The following VRK2 variants were observed in gnomAD, a reference collection of about 807,000 sequenced individuals.
The protein encoded by VRK2 is VRK serine/threonine kinase 2.
Under a neutral mutation model 57.6 loss-of-function variants are expected in VRK2, and 60 were observed. The observed-to-expected ratio is 1.04, with a 90% CI of 0.85 to 1.29. VRK2 has a LOEUF of 1.29. Among genes scored for constraint, VRK2 ranks in the 50% most tolerant of loss-of-function variants. The pLI is 0.00. For missense variants in VRK2, 705 were observed against 588.1 expected (o/e 1.20, Z -2.06); for synonymous variants, 231 against 199.2 (o/e 1.16, Z -1.35).
chr2:58,147,800 GT>G (rs55745402), intron 12 of VRK2, among the ~76,000 whole-genome samples: 69,344 of 132,554 alleles, frequency 0.52, 16,975 homozygotes, highest in African/African-American at 0.61. Flanking sequence ...TTCACTCAGT[GT>G]TTTTTTTTTT....
chr2:58,026,608 A>C (rs1164961271), intron 2 of VRK2: 1 of 152,200 alleles, frequency 6.6e-6, no homozygotes, highest in Non-Finnish European at 1.5e-5. Flanking sequence ...AATGGAATAA[A>C]GTACCATTTA....
chr2:58,145,011 C>T (rs1681902558), intron 11 of VRK2, among the ~76,000 whole-genome samples: 1 of 151,986 alleles, frequency 6.6e-6, no homozygotes, highest in African/African-American at 2.4e-5. Flanking sequence ...TTGGCACTGG[C>T]TACTTCACTA....
rs1674259626 is a variant in VRK2 at position 58,035,895 on chromosome 2, GT to G, written c.-6+2343del. ...ATGAGATTACTATGTAAAAAACACT[GT>G]CCTCAAAATAGAGTTGTTCTTTTGA... On this transcript the variant is annotated intron_variant, in intron 3 of 15. Coordinates refer to the VRK2 transcript ENST00000417641. Among the ~76,000 whole-genome samples, 4 of 152,090 alleles carry G rather than the reference GT, an allele frequency of 2.6e-5. No homozygotes were observed. The South Asian group carries it at 8.3e-4, about 32-fold the overall frequency.
At position 58,146,447 on chromosome 2, in the gene VRK2, T is replaced by G. The variant is rs772810479; in HGVS notation, c.1155T>G (p.Ile385Met). 1.9e-6 allele frequency: 3 copies of G among 1,610,862 alleles called. No homozygotes were observed. The highest frequency in any genetic ancestry group is 2.2e-5 in the South Asian group (2 of 90,878). ...TWKVQKEEKL[I>M]GLMNNEAAQE... ...AAGTGCAGAAAGAGGAGAAACTGAT[T>G]GGATTGATGAACAATGAAGCAGCTC... Residue 385 changes from isoleucine (I) to methionine (M), a missense_variant, in exon 12 of 13, where the codon ATT (isoleucine) becomes ATG (methionine). Transcript: ENST00000340157.
chr2:57,927,696 C>A (rs1670585445), intron 1 of VRK2, among the ~76,000 whole-genome samples: 1 of 152,140 alleles, frequency 6.6e-6, no homozygotes, highest in Admixed American at 6.6e-5. Flanking sequence ...TTAAAAAACT[C>A]CCTTTAGCAT....
At chr2:57,941,761 C>T (rs1205274309) in intron 1 of VRK2, among the ~76,000 whole-genome samples, 1 of 152,208 alleles carries the variant, frequency 6.6e-6, no homozygotes. Context: ...ACAGATTACA[C>T]TCTTATGCAT....
chr2:57,921,057 C>T (rs1670325979), intron 1 of VRK2, among the ~76,000 whole-genome samples: 2 of 151,928 alleles, frequency 1.3e-5, no homozygotes, highest in Admixed American at 6.6e-5. Flanking sequence ...ATTAATCAGC[C>T]AGTTAGATGA....
intron 7 of VRK2, among the ~76,000 whole-genome samples, chr2:58,094,727 A>G (rs1672881317): frequency 2.0e-5 from 3 of 152,106 alleles, no homozygotes. Context: ...ATTTATTTTA[A>G]AATATCTTTG....
chr2:58,095,946 A>G (rs1451940156), intron 7 of VRK2, among the ~76,000 whole-genome samples: 1 of 152,142 alleles, frequency 6.6e-6, no homozygotes, highest in Non-Finnish European at 1.5e-5. Flanking sequence ...GTATCTGTTT[A>G]TAAAGTCAAG....
chr2:57,996,628 GT>G (rs1244011228), intron 1 of VRK2, among the ~76,000 whole-genome samples: 1 of 152,130 alleles, frequency 6.6e-6, no homozygotes, highest in Admixed American at 6.5e-5. Context: ...AATAATTTCA[GT>G]CAAAATTAGA....
upstream of VRK2, among the ~76,000 whole-genome samples, chr2:58,044,370 T>C (rs1674587679): frequency 6.6e-6 from 1 of 152,226 alleles, no homozygotes; most frequent in Non-Finnish European, 1.5e-5. Context: ...ATCATGGGAA[T>C]TGGAATGGGG....
At chr2:57,941,690 A>G (rs565028679) in intron 1 of VRK2, among the ~76,000 whole-genome samples, 1 of 152,192 alleles carries the variant, frequency 6.6e-6, no homozygotes, top group Non-Finnish European at 1.5e-5. Flanking sequence ...AAAGAGATCA[A>G]TCATTATGTG....
chr2:58,065,075 A>G (rs533648048), intron 2 of VRK2, among the ~76,000 whole-genome samples: 1 of 152,142 alleles, frequency 6.6e-6, no homozygotes, highest in South Asian at 2.1e-4. Flanking sequence ...TATTTTCTGC[A>G]ATATTTTTGC....
At chr2:57,975,319 A>G (rs1672215918) in intron 1 of VRK2, among the ~76,000 whole-genome samples, 2 of 152,040 alleles carry the variant, frequency 1.3e-5, no homozygotes, top group South Asian at 4.1e-4. Flanking sequence ...CTGACAGTAA[A>G]TTTCTTAGAA....
chr2:58,017,702 A>G (rs1340040322), intron 1 of VRK2, among the ~76,000 whole-genome samples: 1 of 152,198 alleles, frequency 6.6e-6, no homozygotes, highest in East Asian at 1.9e-4. Flanking sequence ...TGCTTTCCCA[A>G]AGCACTGACA....
At chr2:57,912,272 T>G (rs932612367) in intron 1 of VRK2, among the ~76,000 whole-genome samples, 2 of 152,198 alleles carry the variant, frequency 1.3e-5, no homozygotes, top group African/African-American at 4.8e-5. Context: ...ATGTGTCTTA[T>G]CTAATTAATT....
At chr2:58,024,938 G>C (rs1214675893) in intron 1 of VRK2, among the ~76,000 whole-genome samples, 1 of 152,122 alleles carries the variant, frequency 6.6e-6, no homozygotes, top group Non-Finnish European at 1.5e-5. Context: ...ATGTAAATAT[G>C]GATGACAGAT....
At chr2:58,046,766 G>A (rs370086036), upstream of VRK2, 303 of 985,520 alleles carry the variant, frequency 3.1e-4, 6 homozygotes, top group South Asian at 0.012. Context: ...TCGAGTGCTG[G>A]GCCCGCCTCC....
At chr2:58,068,629 C>G (rs1046807829) in intron 2 of VRK2, among the ~76,000 whole-genome samples, 6 of 151,662 alleles carry the variant, frequency 4.0e-5, no homozygotes, top group Non-Finnish European at 8.8e-5. Context: ...CACAAGCTTC[C>G]TTCTCTTCTG....
Sources: allele counts gnomAD v4.1 joint callset (sites outside exome capture counted in the v4.1 genomes callset), GRCh38; gene constraint gnomAD v4.1.1; transcripts MANE v1.5; gene names NCBI Gene and HGNC (gene_info 2026-07-23, HGNC 2026-07-21).